OVCH1: variants seen among roughly 807,000 people sequenced by gnomAD.
The protein encoded by OVCH1 is ovochymase-1.
OVCH1 carries 139 observed loss-of-function variants against 138.4 expected under a neutral mutation model. The observed-to-expected ratio is 1.00, with a 90% CI of 0.87 to 1.16. The LOEUF (loss-of-function observed/expected upper bound fraction) is 1.16. Ranked by LOEUF, OVCH1 falls within the 50% of genes most tolerant of loss-of-function variation. The probability of loss-of-function intolerance (pLI) is 0.00; values close to 1 mark genes in which losing one functional copy is unlikely to be tolerated. For missense variants in OVCH1, 1,367 were observed against 1,357.9 expected, an observed-to-expected ratio of 1.01 and a Z score of -0.11; for synonymous variants, 453 against 467.8, an observed-to-expected ratio of 0.97 and a Z score of 0.41.
intron 3 of OVCH1, among the ~76,000 whole-genome samples, chr12:29,418,892 ACT>A (rs1346045715): frequency 4.6e-5 from 7 of 152,178 alleles, no homozygotes; most frequent in Non-Finnish European, 7.3e-5. Flanking sequence ...ATGGTATTGC[ACT>A]ATCACCAATC....
downstream of OVCH1, chr12:29,427,473 G>T: frequency 2.0e-6 from 3 of 1,501,458 alleles, no homozygotes; most frequent in Non-Finnish European, 2.7e-6. Flanking sequence ...CTCAGGTAAG[G>T]TAGCATTTGA....
At chr12:29,440,329 G>A (rs1013572443) in intron 25 of OVCH1, among the ~76,000 whole-genome samples, 4 of 152,144 alleles carry the variant, frequency 2.6e-5, no homozygotes, top group African/African-American at 7.2e-5. Context: ...ATATACAGTT[G>A]ATTAACATTA....
chr12:29,448,946 C>T (rs1004808832), intron 22 of OVCH1, among the ~76,000 whole-genome samples: 3 of 152,040 alleles, frequency 2.0e-5, no homozygotes, highest in Non-Finnish European at 2.9e-5. Flanking sequence ...ATTTCAATCA[C>T]CTCCCACATC....
intron 3 of OVCH1, among the ~76,000 whole-genome samples, chr12:29,413,688 AC>A (rs1940993195): frequency 6.6e-6 from 1 of 151,884 alleles, no homozygotes; most frequent in Non-Finnish European, 1.5e-5. Context: ...ACACACACAC[AC>A]ATTGGTTTTC....
At chr12:29,491,333 C>T (rs1027685613) in intron 4 of OVCH1, 141 bp from the exon 5 acceptor site, 3 of 667,830 alleles carry the variant, frequency 4.5e-6, no homozygotes, top group East Asian at 5.7e-5. Context: ...TTTGGCCCCT[C>T]CATATAAAAC....
At chr12:29,403,514 G>T in the OVCH1 span, among the ~76,000 whole-genome samples, 1 of 151,950 alleles carries the variant, frequency 6.6e-6, no homozygotes, top group African/African-American at 2.4e-5. Context: ...ATTTTATATT[G>T]CAGATTTCTG....
At chr12:29,493,640 T>C (rs559599219) in intron 4 of OVCH1, among the ~76,000 whole-genome samples, 136 of 152,294 alleles carry the variant, frequency 8.9e-4, no homozygotes, top group African/African-American at 3.2e-3. Context: ...TTCTATTGAG[T>C]TTCTAATTCC....
At chr12:29,414,215 G>C (rs10771530) in intron 3 of OVCH1, among the ~76,000 whole-genome samples, 35,078 of 151,656 alleles carry the variant, frequency 0.23, 4,672 homozygotes, top group Admixed American at 0.4. Context: ...TAGTATAGAT[G>C]GTGTTTCACC....
At chr12:29,418,942 C>T (rs1274655651) in intron 3 of OVCH1, among the ~76,000 whole-genome samples, 2 of 152,204 alleles carry the variant, frequency 1.3e-5, no homozygotes, top group Non-Finnish European at 2.9e-5. Context: ...ACTGCAGCCT[C>T]AAACTCTGGG....
intron 3 of OVCH1, among the ~76,000 whole-genome samples, chr12:29,414,598 A>T (rs946167162): frequency 3.9e-5 from 6 of 152,212 alleles, no homozygotes; most frequent in African/African-American, 1.4e-4. Flanking sequence ...TTGAAAAGAC[A>T]AAAAAGGATG....
intron 26 of OVCH1, chr12:29,433,831 G>A: frequency 7.3e-7 from 1 of 1,367,892 alleles, no homozygotes; most frequent in Non-Finnish European, 9.7e-7. Context: ...TAAGTAAAAT[G>A]TTTTTAATGG....
intron 27 of OVCH1, among the ~76,000 whole-genome samples, chr12:29,432,799 ACT>A (rs1408779389): frequency 2.0e-5 from 3 of 152,084 alleles, no homozygotes; most frequent in Non-Finnish European, 4.4e-5. Flanking sequence ...ACCAGCCAAG[ACT>A]CTGAAGGAGA....
intron 25 of OVCH1, 77 bp from the exon 26 acceptor site, chr12:29,440,821 C>A (rs893419618): frequency 3.6e-5 from 16 of 438,928 alleles, no homozygotes; most frequent in Non-Finnish European, 9.2e-6. Flanking sequence ...AAAAAGACAG[C>A]AGTTTAGCAA....
At chr12:29,477,371 T>G (rs1291420748) in exon 11 of OVCH1, 12 of 1,613,826 alleles carry the variant, frequency 7.4e-6, no homozygotes, top group Non-Finnish European at 1.0e-5. Context: ...GCAGTAACGG[T>G]AAGCTCAAAG....
At chr12:29,461,991 G>A (rs117417276) in exon 19 of OVCH1, 127 of 1,612,322 alleles carry the variant, frequency 7.9e-5, no homozygotes, top group Middle Eastern at 1.7e-4. Context: ...TGCTGTAGGC[G>A]ACTTGCTAGG....
chr12:29,445,404 C>G lies in OVCH1; in HGVS notation c.2756-1G>C. On this transcript the variant is annotated splice_acceptor_variant, in intron 22 of 27. Coordinates refer to ENST00000318184, the Ensembl canonical transcript of OVCH1. LOFTEE classifies it high-confidence loss of function. ...TAAAGTCTTCTTCCATGTAATCCAC[C>G]TAGGTTAAAAAGTGAACTCTAGTAA... 1.2e-6 allele frequency: 2 copies of G among 1,603,748 alleles called. No individual in the cohort carries two copies. The highest frequency in any genetic ancestry group is 1.7e-4 in the Middle Eastern group (1 of 6,000).
chr12:29,461,903 T>A, exon 19 of OVCH1: 1 of 1,613,892 alleles, frequency 6.2e-7, no homozygotes, highest in Non-Finnish European at 8.5e-7. Flanking sequence ...ACAGATCATC[T>A]TCTCTGTGAT....
intron 25 of OVCH1, chr12:29,440,648 T>C: frequency 2.2e-6 from 1 of 448,714 alleles, no homozygotes. Context: ...TATACATCAT[T>C]TTCATAGATA....
At chr12:29,475,266 A>T in intron 13 of OVCH1, 77 bp from the exon 14 acceptor site, 7 of 1,187,546 alleles carry the variant, frequency 5.9e-6, no homozygotes, top group African/African-American at 1.6e-5. Flanking sequence ...TAATCACCCA[A>T]TTTTCTAATC....
Sources: allele counts gnomAD v4.1 joint callset (sites outside exome capture counted in the v4.1 genomes callset), GRCh38; gene constraint gnomAD v4.1.1; transcripts MANE v1.5; gene names NCBI Gene and HGNC (gene_info 2026-07-23, HGNC 2026-07-21).